Variants in TMEM132C observed in about 807,000 individuals in gnomAD.
TMEM132C encodes protein phosphatase 1, regulatory subunit 152.
In TMEM132C, 29 loss-of-function variants were observed where a neutral mutation model predicts 61.4. The observed-to-expected ratio is 0.47, with a 90% CI of 0.35 to 0.64. The LOEUF (loss-of-function observed/expected upper bound fraction) is 0.64. Among genes scored for constraint, TMEM132C ranks in the 30% least tolerant of loss-of-function variants. The probability of loss-of-function intolerance (pLI) is 0.00; values close to 1 mark genes in which losing one functional copy is unlikely to be tolerated. For synonymous variants in TMEM132C, 656 were observed against 633.1 expected (o/e 1.04, Z -0.54); for missense variants, 1,408 against 1,476.9 (o/e 0.95, Z 0.76).
intron 1 of TMEM132C, among the ~76,000 whole-genome samples, chr12:128,270,540 T>A (rs1376859844): frequency 1.3e-5 from 2 of 152,052 alleles, no homozygotes; most frequent in African/African-American, 4.8e-5. Context: ...GGGTTTTGGG[T>A]TTCTGGTAAG....
chr12:128,542,350 G>T (rs574843870), intron 2 of TMEM132C, among the ~76,000 whole-genome samples: 38 of 152,188 alleles, frequency 2.5e-4, no homozygotes, highest in African/African-American at 8.2e-4. Flanking sequence ...CTGTTGCCCA[G>T]GCTGGAGTGC....
intron 2 of TMEM132C, among the ~76,000 whole-genome samples, chr12:128,494,847 A>G (rs1223036309): frequency 2.0e-5 from 3 of 150,938 alleles, no homozygotes; most frequent in South Asian, 4.2e-4. Flanking sequence ...TATCTCCTTC[A>G]GTTCTTCTCT....
chr12:128,559,940 A>G (rs1874455549), intron 3 of TMEM132C, among the ~76,000 whole-genome samples: 1 of 152,174 alleles, frequency 6.6e-6, no homozygotes. Flanking sequence ...AAAATGACCA[A>G]AGTGTTCTCT....
intron 3 of TMEM132C, among the ~76,000 whole-genome samples, chr12:128,592,667 T>C (rs912357718): frequency 6.6e-6 from 1 of 152,226 alleles, no homozygotes; most frequent in African/African-American, 2.4e-5. Context: ...AGGGATGGCC[T>C]GTCAGAACAG....
chr12:128,545,368 A>G (rs1158474913), intron 3 of TMEM132C, among the ~76,000 whole-genome samples: 4 of 152,134 alleles, frequency 2.6e-5, no homozygotes, highest in Non-Finnish European at 5.9e-5. Context: ...GATCCAGTTC[A>G]CTGTGGATGT....
intron 1 of TMEM132C, among the ~76,000 whole-genome samples, chr12:128,314,959 G>A (rs4882735): frequency 0.72 from 109,379 of 152,092 alleles, 40,269 homozygotes; most frequent in Non-Finnish European, 0.81. Context: ...AAAATGGGAG[G>A]GAGACAGTAA....
At chr12:128,653,460 T>G (rs1954293454) in intron 4 of TMEM132C, among the ~76,000 whole-genome samples, 1 of 152,212 alleles carries the variant, frequency 6.6e-6, no homozygotes, top group Non-Finnish European at 1.5e-5. Context: ...TGTATGCATT[T>G]GCATTTTCTG....
chr12:128,582,536 G>A (rs555804330), intron 3 of TMEM132C, among the ~76,000 whole-genome samples: 1 of 152,024 alleles, frequency 6.6e-6, no homozygotes, highest in African/African-American at 2.4e-5. Context: ...TGTTGTGGGA[G>A]GGACTTGGTG....
At chr12:128,365,089 A>C (rs1319672635) in intron 1 of TMEM132C, among the ~76,000 whole-genome samples, 1 of 152,168 alleles carries the variant, frequency 6.6e-6, no homozygotes, top group Non-Finnish European at 1.5e-5. Flanking sequence ...CCTGAGTTGA[A>C]ACAAGCTCCA....
intron 3 of TMEM132C, among the ~76,000 whole-genome samples, chr12:128,563,855 C>T (rs1243259192): frequency 6.6e-6 from 1 of 152,180 alleles, no homozygotes; most frequent in African/African-American, 2.4e-5. Flanking sequence ...GATTGGTCGG[C>T]TTAACCCATT....
intron 1 of TMEM132C, among the ~76,000 whole-genome samples, chr12:128,387,189 A>C (rs1874613467): frequency 6.6e-6 from 1 of 151,250 alleles, no homozygotes; most frequent in African/African-American, 2.4e-5. Flanking sequence ...ATGGGAATGC[A>C]GTGGGTTGTG....
chr12:128,700,764 G>C (rs1236777131), intron 8 of TMEM132C, among the ~76,000 whole-genome samples: 3 of 152,208 alleles, frequency 2.0e-5, no homozygotes, highest in African/African-American at 7.2e-5. Context: ...TGTGCATGAG[G>C]TTGAGGCATT....
intron 1 of TMEM132C, among the ~76,000 whole-genome samples, chr12:128,341,438 G>T (rs1037177701): frequency 6.6e-6 from 1 of 152,162 alleles, no homozygotes; most frequent in Non-Finnish European, 1.5e-5. Context: ...ATCTCCCAAG[G>T]TGTTTTATTT....
rs575870140 is a variant in TMEM132C at position 128,358,614 on chromosome 12, G to A, written c.86-56118G>A. On this transcript the variant is annotated intron_variant, in intron 1 of 8. Coordinates refer to ENST00000435159, the MANE Select transcript of TMEM132C (RefSeq NM_001136103.3). ...AAGTGTCTTGGCCACACAGGACACA[G>A]GAATAGGGCCTTGAACCAACCATGG... Among the ~76,000 whole-genome samples the A allele has an allele frequency of 1.4e-4, 21 of 151,788 alleles. 2 individuals carry two copies. The South Asian group carries it at 4.0e-3, about 29-fold the overall frequency.
At chr12:128,671,773 A>G (rs1954534847) in intron 5 of TMEM132C, among the ~76,000 whole-genome samples, 1 of 152,184 alleles carries the variant, frequency 6.6e-6, no homozygotes, top group Non-Finnish European at 1.5e-5. Flanking sequence ...ACATCCATAT[A>G]CTATGACGAT....
chr12:128,677,267 A>G (rs1009428065), intron 5 of TMEM132C, among the ~76,000 whole-genome samples: 5 of 152,278 alleles, frequency 3.3e-5, no homozygotes, highest in Non-Finnish European at 5.9e-5. Context: ...AGGTCACATG[A>G]CAATCTATTA....
At position 128,327,469 on chromosome 12, in the gene TMEM132C, G is replaced by A. The variant is rs142287370; in HGVS notation, c.85+59982G>A. ...GCGATCCCGGCTCACTGCAACCTCC[G>A]CCTCCTGGCTTCTCACCATTCTCCT... On this transcript the variant is annotated intron_variant, in intron 1 of 8. Coordinates refer to ENST00000435159, the MANE Select transcript of TMEM132C (RefSeq NM_001136103.3). 2.0e-3 allele frequency among the ~76,000 whole-genome samples: 284 copies of A among 144,176 alleles called. 17 individuals carry two copies. Among genetic ancestry groups the A allele is most frequent in the African/African-American group, 3.3e-3 (113 of 33,900 alleles). The allele number at this position is 144,176 out of a possible 152,430, so 94.6% of individuals were successfully genotyped here.
intron 4 of TMEM132C, among the ~76,000 whole-genome samples, chr12:128,665,711 A>G (rs1301646059): frequency 1.4e-5 from 2 of 146,130 alleles, no homozygotes; most frequent in African/African-American, 2.6e-5. Flanking sequence ...ACACATTCAC[A>G]GGCACTCATA....
chr12:128,297,223 A>G (rs965541066), intron 1 of TMEM132C, among the ~76,000 whole-genome samples: 42 of 152,124 alleles, frequency 2.8e-4, no homozygotes, highest in African/African-American at 1.0e-3. Flanking sequence ...AGTGAAGGGG[A>G]TAATATGGTA....
Sources: gnomAD v4.1 joint callset for allele counts (sites outside exome capture counted in the v4.1 genomes callset) on GRCh38, gnomAD v4.1.1 for gene constraint, MANE v1.5 for transcripts, NCBI Gene and HGNC (gene_info 2026-07-23, HGNC 2026-07-21) for gene names.